TENM3: variants seen among roughly 807,000 people sequenced by gnomAD.
TENM3 encodes the protein teneurin transmembrane protein 3, also known as teneurin-3.
A neutral mutation model predicts 255.1 loss-of-function variants in TENM3; 63 were observed. The ratio of observed to expected loss-of-function variants is 0.25; its 90% CI spans 0.20 to 0.30. The LOEUF is 0.30. Among genes scored for constraint, TENM3 ranks in the 10% least tolerant of loss-of-function variants. TENM3 has a pLI of 1.00. For synonymous variants in TENM3, 1,306 were observed against 1,322.3 expected (o/e 0.99, Z 0.27); for missense variants, 2,929 against 3,461.1 (o/e 0.85, Z 3.86).
At chr4:182,676,746 C>T (rs1023975260) in intron 7 of TENM3, among the ~76,000 whole-genome samples, 2 of 152,154 alleles carry the variant, frequency 1.3e-5, no homozygotes, top group African/African-American at 4.8e-5. Context: ...TTCCAAAAGA[C>T]GGCTTATTAA....
At chr4:181,781,045 T>A in the TENM3 span, among the ~76,000 whole-genome samples, 771 of 152,284 alleles carry the variant, frequency 5.1e-3, 7 homozygotes, top group African/African-American at 0.018. Flanking sequence ...TAGTTTGAAG[T>A]CAGGTAGCAT....
chr4:182,000,867 A>C, the TENM3 span, among the ~76,000 whole-genome samples: 1 of 152,218 alleles, frequency 6.6e-6, no homozygotes, highest in South Asian at 2.1e-4. Flanking sequence ...AGGGAGAATA[A>C]GTTGAGCGGT....
the TENM3 span, among the ~76,000 whole-genome samples, chr4:181,959,009 G>A: frequency 6.6e-6 from 1 of 152,084 alleles, no homozygotes; most frequent in African/African-American, 2.4e-5. Context: ...AAATCCTTGA[G>A]GTGAAGAATC....
chr4:181,870,409 T>C, the TENM3 span, among the ~76,000 whole-genome samples: 2 of 152,176 alleles, frequency 1.3e-5, no homozygotes, highest in Non-Finnish European at 2.9e-5. Context: ...CTTTGTCCCA[T>C]GTTACACTCT....
At chr4:181,965,737 T>C in the TENM3 span, among the ~76,000 whole-genome samples, 857 of 152,340 alleles carry the variant, frequency 5.6e-3, 4 homozygotes, top group African/African-American at 0.019. Flanking sequence ...TCCTGTATTC[T>C]ATATTAATCT....
the TENM3 span, among the ~76,000 whole-genome samples, chr4:181,879,352 T>C: frequency 6.6e-6 from 1 of 152,088 alleles, no homozygotes; most frequent in East Asian, 1.9e-4. Context: ...TCTCTGAGTT[T>C]TCAGTGGAAG....
intron 3 of TENM3, among the ~76,000 whole-genome samples, chr4:182,510,774 T>C (rs984952715): frequency 6.6e-5 from 10 of 152,338 alleles, no homozygotes; most frequent in African/African-American, 2.4e-4. Flanking sequence ...TCTAATGTTA[T>C]AATCTTATTA....
At chr4:182,587,785 T>C (rs1037527331) in intron 3 of TENM3, among the ~76,000 whole-genome samples, 1 of 152,204 alleles carries the variant, frequency 6.6e-6, no homozygotes, top group East Asian at 1.9e-4. Context: ...TAAAAATTTT[T>C]TACATTAAAA....
At chr4:181,968,123 A>G in the TENM3 span, among the ~76,000 whole-genome samples, 1 of 152,112 alleles carries the variant, frequency 6.6e-6, no homozygotes, top group African/African-American at 2.4e-5. Context: ...CCACAACTCA[A>G]TGCATGATGA....
At chr4:182,183,671 A>G (rs1752973536) in intron 1 of TENM3, among the ~76,000 whole-genome samples, 1 of 152,164 alleles carries the variant, frequency 6.6e-6, no homozygotes, top group African/African-American at 2.4e-5. Flanking sequence ...TGCGTCCTCA[A>G]CCATGTGCAC....
chr4:182,728,793 T>C (rs569898026), intron 13 of TENM3, among the ~76,000 whole-genome samples, 172 bp from the exon 14 acceptor site: 6 of 152,310 alleles, frequency 3.9e-5, no homozygotes, highest in African/African-American at 1.4e-4. Flanking sequence ...ATGTGACTAT[T>C]GTATTTCTAT....
At chr4:181,515,827 A>ATC in the TENM3 span, among the ~76,000 whole-genome samples, 1 of 151,894 alleles carries the variant, frequency 6.6e-6, no homozygotes, top group Non-Finnish European at 1.5e-5. Flanking sequence ...AACATTTGAT[A>ATC]CAGCAATCCC....
intron 3 of TENM3, among the ~76,000 whole-genome samples, chr4:182,566,153 C>T (rs1400456555): frequency 6.6e-6 from 1 of 152,168 alleles, no homozygotes; most frequent in African/African-American, 2.4e-5. Flanking sequence ...GGCTTCTTTC[C>T]CTTGGCCTTC....
intron 3 of TENM3, among the ~76,000 whole-genome samples, chr4:182,366,301 T>G (rs572373288): frequency 7.9e-5 from 12 of 151,990 alleles, no homozygotes. Context: ...CTCTCATGCT[T>G]AAAAATACTG....
intron 6 of TENM3, among the ~76,000 whole-genome samples, chr4:182,671,179 G>A (rs533330030): frequency 3.3e-5 from 5 of 152,200 alleles, no homozygotes; most frequent in East Asian, 1.9e-4. Flanking sequence ...AAACCTCATG[G>A]AATCCTTGTA....
the TENM3 span, among the ~76,000 whole-genome samples, chr4:181,990,606 G>A: frequency 6.6e-6 from 1 of 152,082 alleles, no homozygotes; most frequent in Non-Finnish European, 1.5e-5. Flanking sequence ...GGAGAATTAT[G>A]TATAAAGTCC....
At chr4:182,322,856 G>A (rs538862438) in intron 1 of TENM3, among the ~76,000 whole-genome samples, 1 of 152,268 alleles carries the variant, frequency 6.6e-6, no homozygotes, top group Non-Finnish European at 1.5e-5. Context: ...AGGAACCAAG[G>A]AGAAGGCCTG....
intron 3 of TENM3, among the ~76,000 whole-genome samples, chr4:182,554,414 T>A (rs148041387): frequency 1.5e-3 from 221 of 152,346 alleles, no homozygotes; most frequent in African/African-American, 5.1e-3. Flanking sequence ...AACTACATTA[T>A]CCTTGTAATT....
chr4:181,558,095 T>C, the TENM3 span, among the ~76,000 whole-genome samples: 1 of 152,318 alleles, frequency 6.6e-6, no homozygotes, highest in East Asian at 1.9e-4. Flanking sequence ...TGAAGGGATT[T>C]GATTTTTGAT....
Sources: allele counts gnomAD v4.1 joint callset (sites outside exome capture counted in the v4.1 genomes callset), GRCh38; gene constraint gnomAD v4.1.1; transcripts MANE v1.5; gene names NCBI Gene and HGNC (gene_info 2026-07-23, HGNC 2026-07-21).